GABRA3: variants seen among roughly 807,000 people sequenced by gnomAD.
GABRA3 encodes the protein gamma-aminobutyric acid type A receptor subunit alpha3, also known as gamma-aminobutyric acid receptor subunit alpha-3.
Under a neutral mutation model 30.1 loss-of-function variants are expected in GABRA3, and 10 were observed. The observed-to-expected ratio is 0.33, with a 90% confidence interval of 0.20 to 0.56. The LOEUF is 0.56. Among genes scored for constraint, GABRA3 ranks in the 20% least tolerant of loss-of-function variants. The pLI is 0.89. For synonymous variants in GABRA3, 151 were observed against 146.8 expected, an observed-to-expected ratio of 1.03 and a Z score of -0.21; for missense variants, 233 against 392.0, an observed-to-expected ratio of 0.59 and a Z score of 3.42.
intron 3 of GABRA3, among the ~76,000 whole-genome samples, chrX:152,331,893 T>C (rs1168094629): frequency 2.7e-5 from 3 of 112,070 alleles, no homozygotes; most frequent in African/African-American, 9.7e-5. Context: ...CTTTAGGTTT[T>C]AATATATACC....
chrX:152,288,492 A>G (rs1403211939), intron 3 of GABRA3, among the ~76,000 whole-genome samples: 2 of 112,416 alleles, frequency 1.8e-5, no homozygotes, highest in East Asian at 5.6e-4. Flanking sequence ...AGAGTTTAGT[A>G]CATGTTAGCT....
chrX:152,264,266 A>G (rs1413839676), intron 4 of GABRA3, among the ~76,000 whole-genome samples: 1 of 111,887 alleles, frequency 8.9e-6, no homozygotes, highest in Non-Finnish European at 1.9e-5. Flanking sequence ...AAAAATAATA[A>G]CTACAACAAC....
chrX:152,434,341 A>G (rs1305752827), intron 1 of GABRA3, among the ~76,000 whole-genome samples: 2 of 111,179 alleles, frequency 1.8e-5, no homozygotes, highest in Admixed American at 9.6e-5. Flanking sequence ...TAGGACTCCA[A>G]GTTCTTCAGT....
chrX:152,300,564 A>C (rs1939613144), intron 3 of GABRA3, among the ~76,000 whole-genome samples: 1 of 112,616 alleles, frequency 8.9e-6, no homozygotes, highest in Admixed American at 9.4e-5. Context: ...CAACTGCGAA[A>C]GCCCAGATGT....
At chrX:152,323,618 T>C (rs1404852035) in intron 3 of GABRA3, among the ~76,000 whole-genome samples, 9 of 112,423 alleles carry the variant, frequency 8.0e-5, no homozygotes, top group Admixed American at 6.6e-4. Context: ...TAGCAGCTTA[T>C]AAATGAGTAA....
intron 6 of GABRA3, among the ~76,000 whole-genome samples, chrX:152,220,114 A>C (rs1213829050): frequency 9.0e-6 from 1 of 111,590 alleles, no homozygotes; most frequent in East Asian, 2.8e-4. Flanking sequence ...ATGGATAAAG[A>C]GCGTTAAGAA....
chrX:152,407,205 T>C (rs148032623), intron 1 of GABRA3, among the ~76,000 whole-genome samples: 148 of 111,188 alleles, frequency 1.3e-3, no homozygotes, highest in African/African-American at 4.5e-3. Context: ...AACTCAAAGT[T>C]AGTAGAAGAA....
rs148202714 is a variant in GABRA3, at chrX:152,392,798, C to A, written c.-26-28202G>T. ...TTTACACTATTACGTAGCATTTATG[C>A]CAAAGGAGCTAAGAGGCATAGATAG... On this transcript the variant is annotated intron_variant, in intron 1 of 9. Coordinates refer to ENST00000370314, the MANE Select transcript of GABRA3 (RefSeq NM_000808.4). 2.0e-3 allele frequency among the ~76,000 whole-genome samples: 222 copies of A among 112,166 alleles called. 4 individuals are homozygous for A. The East Asian group carries it at 0.048, about 24-fold the overall frequency.
At position 152,281,373 on chromosome X, in the gene GABRA3, T is replaced by A. The variant is rs148371179; in HGVS notation, c.330+3295A>T. 2.5e-3 allele frequency among the ~76,000 whole-genome samples: 281 copies of A among 111,379 alleles called. 2 individuals carry two copies. Among genetic ancestry groups the A allele is most frequent in the African/African-American group, 8.8e-3 (270 of 30,720 alleles). ...AGTCTTCTTTGTTCTGTTTCTCTCC[T>A]AGGAGATCATGGACACAGGATTGGC... On this transcript the variant is annotated intron_variant, in intron 4 of 9. Coordinates refer to ENST00000370314, the MANE Select transcript of GABRA3 (RefSeq NM_000808.4).
intron 1 of GABRA3, among the ~76,000 whole-genome samples, chrX:152,394,195 G>A (rs1324904463): frequency 8.9e-6 from 1 of 111,820 alleles, no homozygotes; most frequent in Non-Finnish European, 1.9e-5. Context: ...GAATTGATGT[G>A]TCCATTTCAT....
intron 4 of GABRA3, among the ~76,000 whole-genome samples, chrX:152,266,588 T>C (rs1938829359): frequency 9.0e-6 from 1 of 111,126 alleles, no homozygotes; most frequent in African/African-American, 3.3e-5. Flanking sequence ...GAATTTACCA[T>C]GAACAGATCT....
chrX:152,272,996 G>A (rs1420897690), intron 4 of GABRA3, among the ~76,000 whole-genome samples: 1 of 111,580 alleles, frequency 9.0e-6, no homozygotes, highest in Non-Finnish European at 1.9e-5. Flanking sequence ...ATCTTGGGCA[G>A]TTCTTTATAG....
At chrX:152,298,686 C>T (rs761823092) in intron 3 of GABRA3, among the ~76,000 whole-genome samples, 14 of 111,118 alleles carry the variant, frequency 1.3e-4, no homozygotes, top group East Asian at 5.7e-4. Flanking sequence ...AATAAACATA[C>T]GTGTGCATGT....
intron 7 of GABRA3, among the ~76,000 whole-genome samples, chrX:152,198,022 C>G (rs939028828): frequency 1.8e-5 from 2 of 111,844 alleles, no homozygotes; most frequent in Non-Finnish European, 3.8e-5. Flanking sequence ...TGACACAATT[C>G]ATTCAAGTAA....
At chrX:152,190,383 A>G (rs1159938800) in intron 8 of GABRA3, among the ~76,000 whole-genome samples, 2 of 111,466 alleles carry the variant, frequency 1.8e-5, no homozygotes, top group Non-Finnish European at 3.8e-5. Flanking sequence ...TCTCCAGAAC[A>G]GACCTTCAGA....
intron 5 of GABRA3, among the ~76,000 whole-genome samples, chrX:152,244,174 A>G (rs1262330004): frequency 2.7e-5 from 3 of 112,146 alleles, no homozygotes; most frequent in Non-Finnish European, 5.6e-5. Flanking sequence ...ATTGAATACC[A>G]CATGTAAGTC....
chrX:152,193,452 T>G (rs1490258192), intron 8 of GABRA3, among the ~76,000 whole-genome samples: 1 of 111,961 alleles, frequency 8.9e-6, no homozygotes. Context: ...GTATCTGGAT[T>G]GTTTCCAGTG....
intron 1 of GABRA3, among the ~76,000 whole-genome samples, chrX:152,434,635 A>C (rs1376338762): frequency 8.9e-6 from 1 of 111,844 alleles, no homozygotes; most frequent in Non-Finnish European, 1.9e-5. Context: ...TGCAGACACA[A>C]AAAAAACTGT....
chrX:152,202,580 G>C (rs773251854), intron 7 of GABRA3, among the ~76,000 whole-genome samples: 38 of 111,431 alleles, frequency 3.4e-4, no homozygotes, highest in African/African-American at 1.1e-3. Context: ...AAAGAATAGA[G>C]AGACAACAAT....
Sources: allele counts gnomAD v4.1 joint callset (sites outside exome capture counted in the v4.1 genomes callset), GRCh38; gene constraint gnomAD v4.1.1; transcripts MANE v1.5; gene names NCBI Gene and HGNC (gene_info 2026-07-23, HGNC 2026-07-21).